MANEA: variants seen among roughly 807,000 people sequenced by gnomAD.
The protein encoded by MANEA is mannosidase endo-alpha.
MANEA carries 25 observed loss-of-function variants against 36.8 expected under a neutral mutation model. The observed-to-expected ratio is 0.68, with a 90% CI of 0.50 to 0.95. MANEA has a LOEUF of 0.95. MANEA is among the 40% of genes least tolerant of loss of function. The pLI is 0.00. For synonymous variants in MANEA, 198 were observed against 188.5 expected, an observed-to-expected ratio of 1.05 and a Z score of -0.41; for missense variants, 565 against 558.8, an observed-to-expected ratio of 1.01 and a Z score of -0.11.
At chr6:95,594,430 A>C (rs957329410) in intron 2 of MANEA, among the ~76,000 whole-genome samples, 1 of 152,178 alleles carries the variant, frequency 6.6e-6, no homozygotes, top group African/African-American at 2.4e-5. Context: ...TGAATTAGGA[A>C]AAGGGCAAAA....
chr6:95,591,904 A>G (rs1407705390), intron 2 of MANEA, among the ~76,000 whole-genome samples: 1 of 152,138 alleles, frequency 6.6e-6, no homozygotes, highest in African/African-American at 2.4e-5. Flanking sequence ...AGGTTTCACC[A>G]TGTTGTCCAG....
intron 3 of MANEA, among the ~76,000 whole-genome samples, chr6:95,603,052 A>AAAC (rs539732085): frequency 7.9e-5 from 11 of 139,358 alleles, no homozygotes; most frequent in Admixed American, 5.2e-4. Flanking sequence ...AAAAAAAAAA[A>AAAC]TTGCAAAGTA....
intron 1 of MANEA, among the ~76,000 whole-genome samples, chr6:95,583,747 T>G (rs1352366363): frequency 1.0e-5 from 1 of 100,252 alleles, no homozygotes; most frequent in Non-Finnish European, 2.1e-5. Flanking sequence ...GCTGGCAGAT[T>G]TCTTTTTGAA....
chr6:95,606,261 T>C lies in MANEA; in HGVS notation c.1245T>C (p.Val415=). 6.2e-7 allele frequency: 1 copy of C among 1,613,722 alleles called. No homozygotes were observed. The highest frequency in any genetic ancestry group is 1.1e-5 in the South Asian group (1 of 91,064). ...WHEGTQIEKA[V]PKRTSNTVYL... ...AAGGAACTCAGATTGAAAAAGCTGT[T>C]CCCAAAAGAACCAGTAATACAGTGT... Residue 415 remains valine (V), a synonymous_variant, in exon 5 of 5, where the codon GTT becomes GTC. Transcript: ENST00000358812.
At chr6:95,587,538 T>C (rs1769312186) in intron 2 of MANEA, among the ~76,000 whole-genome samples, 1 of 152,146 alleles carries the variant, frequency 6.6e-6, no homozygotes, top group Non-Finnish European at 1.5e-5. Context: ...TCATTCAGCA[T>C]TTGTATGTGT....
At chr6:95,596,381 A>G (rs191872896) in intron 2 of MANEA, among the ~76,000 whole-genome samples, 1 of 152,286 alleles carries the variant, frequency 6.6e-6, no homozygotes, top group African/African-American at 2.4e-5. Flanking sequence ...TGGGTCATCA[A>G]TTGTAGCAAA....
intron 2 of MANEA, among the ~76,000 whole-genome samples, chr6:95,594,510 A>G (rs948239744): frequency 6.6e-6 from 1 of 152,120 alleles, no homozygotes; most frequent in Admixed American, 6.5e-5. Context: ...TAATTTTTAG[A>G]AGTGTGTGTA....
chr6:95,604,009 A>G (rs538677248), intron 3 of MANEA, among the ~76,000 whole-genome samples: 13 of 150,722 alleles, frequency 8.6e-5, no homozygotes, highest in African/African-American at 2.2e-4. Flanking sequence ...ACTGCTCTCT[A>G]TGTTTACATA....
chr6:95,600,343 A>C (rs1769564775), intron 3 of MANEA, among the ~76,000 whole-genome samples: 1 of 152,216 alleles, frequency 6.6e-6, no homozygotes, highest in African/African-American at 2.4e-5. Flanking sequence ...ACCTGGAATC[A>C]TGAGACTGGA....
At chr6:95,582,877 A>T (rs1309354026) in intron 1 of MANEA, among the ~76,000 whole-genome samples, 1 of 152,150 alleles carries the variant, frequency 6.6e-6, no homozygotes, top group African/African-American at 2.4e-5. Context: ...ATATTGTCTC[A>T]TGGTTCCTCG....
At position 95,609,064 on chromosome 6, in the gene MANEA, C is replaced by T. The variant is rs918423861; in HGVS notation, c.*2659C>T. 1.3e-4 allele frequency: 19 copies of T among 151,680 alleles called. No individual in the cohort carries two copies. Among genetic ancestry groups the T allele is most frequent in the African/African-American group, 3.9e-4 (16 of 41,382 alleles). The allele number at this position is 151,680 out of a possible 1,614,324, so 9.4% of individuals were successfully genotyped here. A position where few individuals can be genotyped will look rare whatever the true frequency, so the allele number is the denominator to read the frequency against. The stretch of plus-strand genomic sequence containing the variant: ...CTTCCTCAGGTATTTATTACAACTG[C>T]CTTTACCATTTTAGTTGTAACACAG... On this transcript the variant is annotated 3_prime_UTR_variant, in exon 5 of 5. Coordinates refer to ENST00000358812, the MANE Select transcript of MANEA (RefSeq NM_024641.4).
At chr6:95,598,450 C>T (rs929339810) in intron 3 of MANEA, among the ~76,000 whole-genome samples, 6 of 152,250 alleles carry the variant, frequency 3.9e-5, no homozygotes, top group African/African-American at 1.2e-4. Context: ...GACCTCAGTT[C>T]TTTGCAGCAG....
chr6:95,606,489 C>A lies in MANEA; in HGVS notation c.*84C>A. On this transcript the variant is annotated 3_prime_UTR_variant, in exon 5 of 5. Transcript: ENST00000358812. ...TTTTGAGTTCTGGAAAGAAAACTGT[C>A]AAAATCAGTATATACTATTAGTTAT... 1 of 923,042 alleles carries A rather than the reference C, an allele frequency of 1.1e-6. No homozygotes were observed. Among genetic ancestry groups the A allele is most frequent in the Non-Finnish European group, 1.6e-6 (1 of 630,026 alleles). The allele number at this position is 923,042 out of a possible 1,614,324, so 57.2% of individuals were successfully genotyped here.
intron 1 of MANEA, among the ~76,000 whole-genome samples, chr6:95,581,821 C>T (rs1281808311): frequency 1.3e-5 from 2 of 152,068 alleles, no homozygotes. Flanking sequence ...TGTAACTCTT[C>T]CAACATTCAT....
chr6:95,597,567 A>T (rs1279486387), intron 3 of MANEA, among the ~76,000 whole-genome samples: 2 of 152,086 alleles, frequency 1.3e-5, no homozygotes, highest in East Asian at 3.8e-4. Flanking sequence ...ATTCATAAAA[A>T]TTATAACCAT....
At chr6:95,578,029 C>A (rs946557888) in intron 1 of MANEA, among the ~76,000 whole-genome samples, 7 of 152,192 alleles carry the variant, frequency 4.6e-5, no homozygotes, top group African/African-American at 1.7e-4. Context: ...AGCACCTTCT[C>A]CTTGTGCCCC....
rs376522155 is a variant in MANEA at position 95,606,317 on chromosome 6, T to G, written c.1301T>G (p.Leu434Arg). 1.5e-4 allele frequency: 235 copies of G among 1,611,500 alleles called. 3 individuals are homozygous for G. In the South Asian group the frequency reaches 2.5e-3, roughly 17 times the overall value. Residue 434 changes from leucine (L) to arginine (R), a missense_variant, in exon 5 of 5, where the codon CTT becomes CGT. Physicochemically the swap from Leu to Arg is moderately radical, Grantham distance 102 (BLOSUM62 -2). Coordinates refer to ENST00000358812, the MANE Select transcript of MANEA (RefSeq NM_024641.4). The stretch of plus-strand genomic sequence containing the variant: ...GATTACCGTCCTCATAAACCAGGTC[T>G]TTACCTAGAACTGACTCGCAAGTGG... ...YLDYRPHKPG[L>R]YLELTRKWSE...
At chr6:95,599,644 T>A (rs928577787) in intron 3 of MANEA, among the ~76,000 whole-genome samples, 9 of 152,348 alleles carry the variant, frequency 5.9e-5, no homozygotes, top group African/African-American at 2.2e-4. Flanking sequence ...AACATTAGTT[T>A]TGTCTTAATT....
chr6:95,592,065 G>C (rs1331875964), intron 2 of MANEA, among the ~76,000 whole-genome samples: 1 of 152,054 alleles, frequency 6.6e-6, no homozygotes, highest in Non-Finnish European at 1.5e-5. Context: ...CTAGAACTTT[G>C]ATATTTATCT....
Sources: allele counts gnomAD v4.1 joint callset (sites outside exome capture counted in the v4.1 genomes callset), GRCh38; gene constraint gnomAD v4.1.1; transcripts MANE v1.5; gene names NCBI Gene and HGNC (gene_info 2026-07-23, HGNC 2026-07-21).